The following ARRB1 variants were observed in gnomAD, a reference collection of about 807,000 sequenced individuals.
ARRB1 encodes arrestin beta 1.
In ARRB1, 21 loss-of-function variants were observed where a neutral mutation model predicts 56.8. That is an observed-to-expected ratio of 0.37 (90% CI 0.26 to 0.53). The LOEUF is 0.53. Among genes scored for constraint, ARRB1 ranks in the 20% least tolerant of loss-of-function variants. The pLI is 0.88. For missense variants in ARRB1, 424 were observed against 553.7 expected (o/e 0.77, Z 2.35); for synonymous variants, 210 against 218.6 (o/e 0.96, Z 0.35).
intron 6 of ARRB1, 145 bp from the exon 7 acceptor site, chr11:75,281,287 C>T (rs144216992): frequency 6.4e-6 from 5 of 778,460 alleles, no homozygotes; most frequent in African/African-American, 3.4e-5. Flanking sequence ...CTGGAAGAAG[C>T]GGGGGAACGC....
At chr11:75,270,496 C>T (rs35689744) in intron 13 of ARRB1, among the ~76,000 whole-genome samples, 14 of 152,188 alleles carry the variant, frequency 9.2e-5, no homozygotes, top group East Asian at 5.8e-4. Context: ...GGTGTGGTGG[C>T]GGGTGCCTAT....
chr11:75,323,847 C>A (rs1947385464), intron 1 of ARRB1, among the ~76,000 whole-genome samples: 1 of 152,040 alleles, frequency 6.6e-6, no homozygotes, highest in Non-Finnish European at 1.5e-5. Flanking sequence ...TTTACAAAAC[C>A]AAACACCTGG....
At chr11:75,309,149 G>A (rs1290453533) in intron 1 of ARRB1, among the ~76,000 whole-genome samples, 1 of 152,248 alleles carries the variant, frequency 6.6e-6, no homozygotes, top group Non-Finnish European at 1.5e-5. Flanking sequence ...GTGGCCTGGG[G>A]AGGCCAGAGG....
At chr11:75,289,936 C>A in intron 2 of ARRB1, 73 bp downstream of exon 2, 2 of 1,607,456 alleles carry the variant, frequency 1.2e-6, no homozygotes, top group Non-Finnish European at 1.7e-6. Context: ...CATGCCGTTT[C>A]CTCTGCTTCC....
At chr11:75,281,353 G>A (rs546967353) in intron 6 of ARRB1, among the ~76,000 whole-genome samples, 1 of 152,162 alleles carries the variant, frequency 6.6e-6, no homozygotes, top group South Asian at 2.1e-4. Context: ...GGGACATCTC[G>A]AACCACCCAA....
intron 1 of ARRB1, among the ~76,000 whole-genome samples, chr11:75,337,037 G>A (rs1010949150): frequency 2.0e-5 from 3 of 152,210 alleles, no homozygotes; most frequent in Non-Finnish European, 4.4e-5. Context: ...CCAGTGTCTG[G>A]CATGTTCTAG....
At position 75,334,831 on chromosome 11, in the gene ARRB1, A is replaced by T. The variant is rs921208876; in HGVS notation, c.20+16757T>A. On this transcript the variant is annotated intron_variant, in intron 1 of 15. Coordinates refer to ENST00000420843, the MANE Select transcript of ARRB1 (RefSeq NM_004041.5). ...TGTGGGATGAGAGCCCCCTGAGGAC[A>T]TGCAGCAGATGTGGCACCAACATCC... 2.6e-5 allele frequency among the ~76,000 whole-genome samples: 4 copies of T among 152,100 alleles called. No homozygotes were observed. The East Asian group carries it at 5.8e-4, about 22-fold the overall frequency.
intron 1 of ARRB1, among the ~76,000 whole-genome samples, chr11:75,305,689 G>A (rs1947012241): frequency 6.6e-6 from 1 of 152,116 alleles, no homozygotes; most frequent in African/African-American, 2.4e-5. Context: ...CTAGGCAGAC[G>A]ACTCAGCACC....
intron 1 of ARRB1, among the ~76,000 whole-genome samples, chr11:75,309,397 A>T (rs1947109510): frequency 6.6e-6 from 1 of 152,262 alleles, no homozygotes; most frequent in African/African-American, 2.4e-5. Flanking sequence ...GGCACAGAGA[A>T]GGTGCATCAT....
chr11:75,278,826 T>C (rs1379855914), intron 7 of ARRB1, 82 bp from the exon 8 acceptor site: 1 of 1,516,294 alleles, frequency 6.6e-7, no homozygotes, highest in Non-Finnish European at 8.9e-7. Context: ...ATCATTCTCC[T>C]GCTCAAGAGA....
chr11:75,279,182 T>A (rs992992244), intron 7 of ARRB1, among the ~76,000 whole-genome samples: 3 of 152,248 alleles, frequency 2.0e-5, no homozygotes, highest in Admixed American at 2.0e-4. Flanking sequence ...AGCTGTACTC[T>A]CAGCACCTAT....
At chr11:75,309,091 A>G (rs1288678158) in intron 1 of ARRB1, among the ~76,000 whole-genome samples, 1 of 152,266 alleles carries the variant, frequency 6.6e-6, no homozygotes, top group African/African-American at 2.4e-5. Context: ...GCGGCCCCAA[A>G]GCCCCTGCTC....
intron 1 of ARRB1, among the ~76,000 whole-genome samples, chr11:75,299,933 G>A (rs565232818): frequency 1.0e-3 from 156 of 152,262 alleles, no homozygotes; most frequent in African/African-American, 3.6e-3. Flanking sequence ...TAGGACAGGC[G>A]CAGTGGCTGA....
intron 1 of ARRB1, among the ~76,000 whole-genome samples, chr11:75,296,825 A>G (rs2140453088): frequency 6.6e-6 from 1 of 152,112 alleles, no homozygotes; most frequent in Middle Eastern, 3.4e-3. Context: ...TTACTGGTGC[A>G]TGCCACCATG....
chr11:75,266,047 C>A lies in ARRB1; in HGVS notation c.*116G>T. ...CCGTGATCTGGAAGCCCACGGGGCC[C>A]CCTGGTAGAAACTGGAAGAACAAAG... is the stretch of plus-strand genomic sequence containing the variant. On this transcript the variant is annotated 3_prime_UTR_variant, in exon 16 of 16. Coordinates refer to ENST00000420843, the MANE Select transcript of ARRB1 (RefSeq NM_004041.5). 1 of 919,784 alleles carries A rather than the reference C, an allele frequency of 1.1e-6. No homozygotes were observed. The allele number at this position is 919,784 out of a possible 1,614,324, so 57.0% of individuals were successfully genotyped here.
rs545654729 is a variant in ARRB1 at position 75,301,155 on chromosome 11, A to G, written c.21-11116T>C. On this transcript the variant is annotated intron_variant, in intron 1 of 15. Coordinates refer to ENST00000420843, the MANE Select transcript of ARRB1 (RefSeq NM_004041.5). ...GAGACTCCATCTCAAAAAAAAAAAA[A>G]AAGCCTTCAAGGGAGGAGGTAGCAA... Among the ~76,000 whole-genome samples, 746 of 152,028 alleles carry G rather than the reference A, an allele frequency of 4.9e-3. 24 individuals carry two copies. Among genetic ancestry groups the G allele is most frequent in the Non-Finnish European group, 1.7e-3 (117 of 67,974 alleles).
intron 1 of ARRB1, among the ~76,000 whole-genome samples, chr11:75,333,384 T>A (rs1947550126): frequency 6.6e-6 from 1 of 152,222 alleles, no homozygotes; most frequent in Admixed American, 6.5e-5. Context: ...TGCAGCTTCT[T>A]GCCAACCAGT....
intron 1 of ARRB1, among the ~76,000 whole-genome samples, chr11:75,299,958 G>A (rs530992988): frequency 3.3e-5 from 5 of 152,254 alleles, no homozygotes; most frequent in South Asian, 2.1e-4. Flanking sequence ...TGTAATCCCA[G>A]CACTTTAGGA....
rs140226575 is a variant in ARRB1, at chr11:75,267,688, G to A, written c.1109C>T (p.Thr370Met). 4.0e-3 allele frequency: 5,625 copies of A among 1,408,140 alleles called. 271 individuals are homozygous for A. The Admixed American group carries it at 0.093, about 23-fold the overall frequency. The allele number at this position is 1,408,140 out of a possible 1,614,324, so 87.2% of individuals were successfully genotyped here. ...PPHREVPENE[T>M]PVDTNLIELD... ...TTCTATGAGATTGGTATCTACTGGCGTCTCGTTCTCTGGAACTAAACACAG... is the reference window on the plus strand; with the variant it reads ...TTCTATGAGATTGGTATCTACTGGCATCTCGTTCTCTGGAACTAAACACAG... Residue 370 changes from threonine to methionine, a missense_variant, in exon 15 of 16, where the codon ACG becomes ATG. This residue lies in a region of ARRB1 where 121 missense variants were observed against 147.3 expected (regional missense o/e 0.82). Transcript: ENST00000420843.
Sources: gnomAD v4.1 joint callset for allele counts (sites outside exome capture counted in the v4.1 genomes callset) on GRCh38, gnomAD v4.1.1 for gene constraint, gnomAD v4.1.1 regional missense constraint, MANE v1.5 for transcripts, NCBI Gene and HGNC (gene_info 2026-07-23, HGNC 2026-07-21) for gene names.